Variants in MAEA observed in about 807,000 individuals in gnomAD.
MAEA encodes the protein E3 ubiquitin-protein transferase MAEA.
Under a neutral mutation model 46.2 loss-of-function variants are expected in MAEA, and 22 were observed. The observed-to-expected ratio is 0.48, with a 90% CI of 0.34 to 0.68. The LOEUF is 0.68. MAEA is among the 30% of genes least tolerant of loss of function. MAEA has a pLI of 0.01. For missense variants in MAEA, 393 were observed against 558.1 expected, an observed-to-expected ratio of 0.70 and a Z score of 2.98; for synonymous variants, 246 against 222.6, an observed-to-expected ratio of 1.11 and a Z score of -0.94.
intron 3 of MAEA, among the ~76,000 whole-genome samples, chr4:1,322,036 G>A (rs1738193640): frequency 6.6e-6 from 1 of 152,230 alleles, no homozygotes; most frequent in Non-Finnish European, 1.5e-5. Flanking sequence ...CTGGGGGGCT[G>A]TGGGGAGTGG....
intron 1 of MAEA, chr4:1,309,580 G>T (rs572566954): frequency 6.7e-7 from 1 of 1,494,562 alleles, no homozygotes; most frequent in Non-Finnish European, 8.9e-7. Flanking sequence ...GCTGGAGGAG[G>T]AGCAGAGGCA....
Position 1,311,327 on chromosome 4 carries a change from GAGA to G in MAEA, c.70-647_70-645del, listed in dbSNP as rs1411640799. The stretch of plus-strand genomic sequence containing the variant: ...AACCGTAGAGCACAGGAAACGGGCG[GAGA>G]AGAACTCAGCAGCGCTTCTCTCAGA... On this transcript the variant is annotated intron_variant, in intron 1 of 8. Coordinates refer to ENST00000303400, the MANE Select transcript of MAEA (RefSeq NM_001017405.3). This position sits in a 1 kb window ranked among gnomAD's most constrained non-coding sequence, Gnocchi z 4.4. 6.6e-6 allele frequency among the ~76,000 whole-genome samples: 1 copy of G among 152,260 alleles called. No individual in the cohort carries two copies. Among genetic ancestry groups the G allele is most frequent in the Non-Finnish European group, 1.5e-5 (1 of 68,040 alleles).
intron 3 of MAEA, among the ~76,000 whole-genome samples, chr4:1,321,821 G>A (rs1463845606): frequency 2.0e-5 from 3 of 151,892 alleles, no homozygotes; most frequent in Admixed American, 6.6e-5. Flanking sequence ...CCCTGTGCCC[G>A]GCCACTAGCG....
chr4:1,312,095 C>G lies in MAEA; in HGVS notation c.186C>G (p.Pro62=). ...AELEKTLSGC[P]AVDSVVSLLD... ...TGGAGAAGACGTTGAGCGGCTGCCC[C>G]GCCGTGGACTCCGTGGTCAGCCTGC... The change falls in exon 2 of 9, where the codon CCC becomes CCG. Residue 62 remains proline, a synonymous_variant. Transcript: ENST00000303400. 1.2e-6 allele frequency: 2 copies of G among 1,613,822 alleles called. No homozygotes were observed. The highest frequency in any genetic ancestry group is 8.5e-7 in the Non-Finnish European group (1 of 1,180,052).
rs1408225852 is a variant in MAEA at position 1,312,043 on chromosome 4, G to T, written c.134G>T (p.Ser45Ile). Reference protein sequence around the residue: ...AAQKNIDRETSHVTMVVAELE... With the variant: ...AAQKNIDRETIHVTMVVAELE... Reference sequence around the variant, plus strand: ...CAGAAGAACATTGACCGGGAGACCAGCCACGTCACCATGGTGGTGGCCGAG... The same window carrying T: ...CAGAAGAACATTGACCGGGAGACCATCCACGTCACCATGGTGGTGGCCGAG... Residue 45 changes from serine (S) to isoleucine (I), a missense_variant, in exon 2 of 9, where the codon AGC becomes ATC. This residue lies in a region of MAEA where 358 missense variants were observed against 537.9 expected (regional missense o/e 0.67). Transcript: ENST00000303400. 3.1e-6 allele frequency: 5 copies of T among 1,614,034 alleles called. No homozygotes were observed. The highest frequency in any genetic ancestry group is 4.2e-6 in the Non-Finnish European group (5 of 1,180,034).
intron 5 of MAEA, 121 bp from the exon 6 acceptor site, chr4:1,332,636 C>A: frequency 1.5e-6 from 1 of 677,464 alleles, no homozygotes; most frequent in Non-Finnish European, 2.6e-6. Flanking sequence ...CCTGAGAGTT[C>A]GAGGCTACAG....
intron 1 of MAEA, chr4:1,309,353 C>T (rs776162954): frequency 4.2e-4 from 461 of 1,106,038 alleles, no homozygotes; most frequent in Non-Finnish European, 5.0e-4. Flanking sequence ...CTCTTGCTAA[C>T]CAGCCAGCCC....
At position 1,338,625 on chromosome 4, in the gene MAEA, GGGCAGGGCAGGGGGGCCA is replaced by G. The variant is rs1406994090; in HGVS notation, c.1095+12_1095+29del. The G allele has an allele frequency of 6.3e-7, 1 of 1,592,828 alleles. No homozygotes were observed. ...TACGTCTACGGCTACAATGTGAGGG[GGGCAGGGCAGGGGGGCCA>G]GGCTGGCACGCATCGCCATCGGGAC... On this transcript the variant is annotated intron_variant, in intron 8 of 8. Coordinates refer to ENST00000303400, the MANE Select transcript of MAEA (RefSeq NM_001017405.3).
At chr4:1,300,194 G>T (rs1735175698) in intron 1 of MAEA, among the ~76,000 whole-genome samples, 1 of 152,200 alleles carries the variant, frequency 6.6e-6, no homozygotes, top group African/African-American at 2.4e-5. Flanking sequence ...TCCTTAGCAG[G>T]CAGCCTGACT....
At chr4:1,334,842 A>C in intron 6 of MAEA, 2 of 985,090 alleles carry the variant, frequency 2.0e-6, no homozygotes, top group Non-Finnish European at 2.4e-6. Context: ...TGTTCTTCTC[A>C]GTGAGGACCT....
intron 1 of MAEA, among the ~76,000 whole-genome samples, chr4:1,300,294 A>G (rs1735186012): frequency 6.6e-6 from 1 of 152,124 alleles, no homozygotes. Flanking sequence ...ATGATATCAT[A>G]TTGTTCTTTT....
At chr4:1,298,446 A>ATCCACGAAG (rs1577133309) in intron 1 of MAEA, among the ~76,000 whole-genome samples, 36 of 152,026 alleles carry the variant, frequency 2.4e-4, no homozygotes, top group African/African-American at 8.0e-4. Flanking sequence ...TCTTCTGGTT[A>ATCCACGAAG]ACTGTGTGCG....
At chr4:1,328,226 G>A (rs774597164) in intron 5 of MAEA, among the ~76,000 whole-genome samples, 2 of 152,238 alleles carry the variant, frequency 1.3e-5, no homozygotes, top group African/African-American at 2.4e-5. Flanking sequence ...GAGGCCAGCG[G>A]CGCCCTGGTG....
rs1157462533 is a variant in MAEA at position 1,317,009 on chromosome 4, GC to G, written c.456+1414del. On this transcript the variant is annotated intron_variant, in intron 3 of 8. Coordinates refer to ENST00000303400, the MANE Select transcript of MAEA (RefSeq NM_001017405.3). ...TAGACTCACCCCCAGGCCCACCCCGGCCCCCACACTCCAGACTCACCTGCAG... is the reference window on the plus strand; with the variant it reads ...TAGACTCACCCCCAGGCCCACCCCGGCCCCACACTCCAGACTCACCTGCAG... 2.4e-3 allele frequency among the ~76,000 whole-genome samples: 259 copies of G among 109,410 alleles called. 1 individual carries two copies. The highest frequency in any genetic ancestry group is 3.5e-3 in the Non-Finnish European group (188 of 53,156). 71.8% of individuals were successfully genotyped at this position (109,410 alleles called of 152,430 possible).
At chr4:1,314,515 G>T (rs899922408) in intron 2 of MAEA, among the ~76,000 whole-genome samples, 3 of 152,200 alleles carry the variant, frequency 2.0e-5, no homozygotes, top group African/African-American at 7.2e-5. Flanking sequence ...GTGGCTGCGA[G>T]AGTAAAGCAT....
chr4:1,307,816 C>A (rs376403774), intron 1 of MAEA, among the ~76,000 whole-genome samples: 4 of 152,186 alleles, frequency 2.6e-5, no homozygotes, highest in African/African-American at 9.6e-5. Flanking sequence ...TATCCTCTGA[C>A]TTTCTTGTTC....
chr4:1,322,280 G>C, intron 3 of MAEA, 101 bp from the exon 4 acceptor site: 1 of 1,513,116 alleles, frequency 6.6e-7, no homozygotes, highest in African/African-American at 1.4e-5. Context: ...CTCGAGTGGT[G>C]GCCGGTGCTG....
At chr4:1,325,384 G>A (rs531810679) in intron 4 of MAEA, among the ~76,000 whole-genome samples, 3 of 152,360 alleles carry the variant, frequency 2.0e-5, no homozygotes, top group Admixed American at 6.5e-5. Context: ...GCTCCACGCC[G>A]TATGGGACAG....
chr4:1,317,307 A>G (rs1397909418), intron 3 of MAEA, among the ~76,000 whole-genome samples: 10 of 90,616 alleles, frequency 1.1e-4, no homozygotes, highest in Non-Finnish European at 1.1e-4. Context: ...CCGGCCCCAC[A>G]CTCCAGACTC....
Sources: allele counts gnomAD v4.1 joint callset (sites outside exome capture counted in the v4.1 genomes callset), GRCh38; gene constraint gnomAD v4.1.1; regional missense constraint gnomAD v4.1.1; non-coding constraint Gnocchi (gnomAD v3.1); transcripts MANE v1.5; gene names NCBI Gene and HGNC (gene_info 2026-07-23, HGNC 2026-07-21).